UNC5C: variants seen among roughly 807,000 people sequenced by gnomAD.
UNC5C encodes netrin receptor UNC5C.
UNC5C carries 47 observed loss-of-function variants against 99.8 expected under a neutral mutation model. The ratio of observed to expected loss-of-function variants is 0.47; its 90% CI spans 0.37 to 0.60. The LOEUF is 0.60. Among genes scored for constraint, UNC5C ranks in the 20% least tolerant of loss-of-function variants. The pLI is 0.00. For synonymous variants in UNC5C, 487 were observed against 452.2 expected (o/e 1.08, Z -0.98); for missense variants, 1,062 against 1,165.9 (o/e 0.91, Z 1.30).
Position 95,166,039 on chromosome 4 carries a change from A to G in UNC5C, c.*3195T>C, listed in dbSNP as rs1223515117. The G allele has an allele frequency of 6.6e-6, 1 of 152,224 alleles. No homozygotes were observed. Among genetic ancestry groups the G allele is most frequent in the African/African-American group, 2.4e-5 (1 of 41,466 alleles). The allele number at this position is 152,224 out of a possible 1,614,324, so 9.4% of individuals were successfully genotyped here. On this transcript the variant is annotated 3_prime_UTR_variant, in exon 16 of 16. Transcript: ENST00000453304. ...CATCTGTTTGTCATAAAGGTCCTTG[A>G]ACTCTACAGGTTTTCATTCCCTTCG...
chr4:95,231,159 A>C (rs1738897066), intron 7 of UNC5C, among the ~76,000 whole-genome samples: 1 of 152,032 alleles, frequency 6.6e-6, no homozygotes, highest in African/African-American at 2.4e-5. Flanking sequence ...GGGCATTAAA[A>C]CCTTGTCTTT....
chr4:95,400,216 T>A (rs571331834), intron 1 of UNC5C, among the ~76,000 whole-genome samples: 1 of 152,040 alleles, frequency 6.6e-6, no homozygotes, highest in African/African-American at 2.4e-5. Flanking sequence ...TGACATAATG[T>A]CTTTCCCATC....
At chr4:95,188,430 C>T (rs1736921019) in intron 12 of UNC5C, among the ~76,000 whole-genome samples, 1 of 152,216 alleles carries the variant, frequency 6.6e-6, no homozygotes, top group Non-Finnish European at 1.5e-5. Context: ...TAAAACCACA[C>T]AGGAACAGGA....
chr4:95,195,934 C>T (rs1198261888), intron 12 of UNC5C, among the ~76,000 whole-genome samples: 2 of 150,470 alleles, frequency 1.3e-5, no homozygotes, highest in Admixed American at 1.3e-4. Context: ...TGTTAATACA[C>T]ATTATTTGAT....
intron 4 of UNC5C, among the ~76,000 whole-genome samples, chr4:95,269,582 C>A (rs569503954): frequency 1.1e-4 from 17 of 152,190 alleles, no homozygotes; most frequent in African/African-American, 4.1e-4. Context: ...GCCACTGTGC[C>A]TGGTGAAGAC....
intron 1 of UNC5C, among the ~76,000 whole-genome samples, chr4:95,351,624 A>G (rs995156807): frequency 6.6e-5 from 10 of 152,080 alleles, no homozygotes; most frequent in Non-Finnish European, 1.0e-4. Flanking sequence ...GTTTGAGACT[A>G]CAGTGAGCTA....
intron 1 of UNC5C, among the ~76,000 whole-genome samples, chr4:95,502,684 G>A (rs1160180445): frequency 1.3e-5 from 2 of 152,138 alleles, no homozygotes; most frequent in Admixed American, 6.5e-5. Context: ...AAAGCACTCA[G>A]TACATGTCAG....
chr4:95,469,758 C>A (rs961238845), intron 1 of UNC5C, among the ~76,000 whole-genome samples: 1 of 151,932 alleles, frequency 6.6e-6, no homozygotes, highest in African/African-American at 2.4e-5. Flanking sequence ...CATGTAGGTC[C>A]CATGGTGTTA....
chr4:95,545,635 G>A (rs1000829147), intron 1 of UNC5C, among the ~76,000 whole-genome samples: 5 of 152,096 alleles, frequency 3.3e-5, no homozygotes, highest in Non-Finnish European at 5.9e-5. Context: ...CCTGAGTTTG[G>A]TGGTGTTAAC....
At chr4:95,426,360 ATC>A (rs1034154366) in intron 1 of UNC5C, among the ~76,000 whole-genome samples, 2 of 151,984 alleles carry the variant, frequency 1.3e-5, no homozygotes, top group Non-Finnish European at 2.9e-5. Flanking sequence ...CCATTCTCTC[ATC>A]TCTCTCTCTC....
intron 12 of UNC5C, among the ~76,000 whole-genome samples, chr4:95,197,248 A>G (rs932516312): frequency 9.9e-5 from 15 of 151,390 alleles, no homozygotes; most frequent in African/African-American, 3.6e-4. Flanking sequence ...ACATTGGGGC[A>G]GTCTTTTTGC....
chr4:95,234,366 C>G (rs141882024), intron 7 of UNC5C, among the ~76,000 whole-genome samples: 2 of 142,436 alleles, frequency 1.4e-5, no homozygotes, highest in African/African-American at 5.2e-5. Context: ...GCAACAAACA[C>G]GCCAAATCGC....
At position 95,548,952 on chromosome 4, in the gene UNC5C, C is replaced by T; in HGVS notation, c.-95G>A. 1 of 1,472,162 alleles carries T rather than the reference C, an allele frequency of 6.8e-7. No homozygotes were observed. Among genetic ancestry groups the T allele is most frequent in the Non-Finnish European group, 9.2e-7 (1 of 1,081,666 alleles). The allele number at this position is 1,472,162 out of a possible 1,614,324, so 91.2% of individuals were successfully genotyped here. ...GGGCAGAAGCTGAATCCGTGCACCG[C>T]GAAGCAGTCCGAAGAAATAACGACA... On this transcript the variant is annotated 5_prime_UTR_variant, in exon 1 of 16. Transcript: ENST00000453304.
chr4:95,337,911 G>T (rs4130507), intron 1 of UNC5C, among the ~76,000 whole-genome samples: 94,055 of 151,786 alleles, frequency 0.62, 29,471 homozygotes, highest in East Asian at 0.85. Flanking sequence ...CCACAGCATA[G>T]TAGTTTATTA....
chr4:95,456,154 A>C (rs1221906823), intron 1 of UNC5C, among the ~76,000 whole-genome samples: 1 of 152,142 alleles, frequency 6.6e-6, no homozygotes, highest in Non-Finnish European at 1.5e-5. Flanking sequence ...GTATAATGGT[A>C]ATAATTATAA....
At chr4:95,353,597 G>C (rs1744065430) in intron 1 of UNC5C, among the ~76,000 whole-genome samples, 1 of 151,872 alleles carries the variant, frequency 6.6e-6, no homozygotes, top group African/African-American at 2.4e-5. Context: ...GGCTAAGATA[G>C]TGAAGGAGAC....
chr4:95,401,022 CTGAG>C (rs1321079552), intron 1 of UNC5C, among the ~76,000 whole-genome samples: 1 of 152,076 alleles, frequency 6.6e-6, no homozygotes, highest in Non-Finnish European at 1.5e-5. Flanking sequence ...ATTTTAACGA[CTGAG>C]TTTTTGGATG....
At chr4:95,454,541 C>G (rs1747377116) in intron 1 of UNC5C, among the ~76,000 whole-genome samples, 1 of 152,038 alleles carries the variant, frequency 6.6e-6, no homozygotes, top group Admixed American at 6.6e-5. Context: ...AGCAATTTTT[C>G]AAGGTCACTG....
chr4:95,308,528 A>T (rs1380421474), intron 2 of UNC5C, among the ~76,000 whole-genome samples: 1 of 151,852 alleles, frequency 6.6e-6, no homozygotes, highest in Non-Finnish European at 1.5e-5. Context: ...TGAGGCGGGC[A>T]GATCACCTGA....
Sources: gnomAD v4.1 joint callset for allele counts (sites outside exome capture counted in the v4.1 genomes callset) on GRCh38, gnomAD v4.1.1 for gene constraint, MANE v1.5 for transcripts, NCBI Gene and HGNC (gene_info 2026-07-23, HGNC 2026-07-21) for gene names.